The following LRRC4C variants were observed in gnomAD, a reference collection of about 807,000 sequenced individuals.
LRRC4C encodes the protein leucine rich repeat containing 4C, also known as leucine-rich repeat-containing protein 4C.
A neutral mutation model predicts 33.6 loss-of-function variants in LRRC4C; 5 were observed. The observed-to-expected ratio is 0.15, with a 90% CI of 0.08 to 0.31. LRRC4C has a LOEUF of 0.31. Among genes scored for constraint, LRRC4C ranks in the 10% least tolerant of loss-of-function variants. The pLI, the probability that LRRC4C is intolerant of heterozygous loss-of-function variation, is 1.00. For missense variants in LRRC4C, 560 were observed against 796.7 expected (o/e 0.70, Z 3.58); for synonymous variants, 329 against 302.0 (o/e 1.09, Z -0.93).
At chr11:41,008,652 T>A (rs1854943804) in intron 1 of LRRC4C, among the ~76,000 whole-genome samples, 1 of 152,154 alleles carries the variant, frequency 6.6e-6, no homozygotes, top group Non-Finnish European at 1.5e-5. Context: ...TATGCTATTA[T>A]CATCCTTTCC....
rs766845203 is a variant in LRRC4C, at chr11:41,433,708, C to T, written c.-496+25723G>A. On this transcript the variant is annotated intron_variant, in intron 1 of 6. Coordinates refer to ENST00000528697, the MANE Select transcript of LRRC4C (RefSeq NM_001258419.2). ...GGACTCGTTCTTCAGCTTTGGGACT[C>T]GGACTGGCTTCCTTGCTCCTCAGCT... 7.2e-5 allele frequency among the ~76,000 whole-genome samples: 11 copies of T among 152,166 alleles called. No individual in the cohort carries two copies. In the South Asian group the frequency reaches 1.2e-3, roughly 17 times the overall value.
At chr11:40,461,612 A>G (rs768782683) in intron 3 of LRRC4C, among the ~76,000 whole-genome samples, 4 of 151,082 alleles carry the variant, frequency 2.6e-5, no homozygotes, top group Non-Finnish European at 4.4e-5. Flanking sequence ...AACTTAAACC[A>G]CATATCTCAG....
At chr11:40,369,912 T>C (rs75829901) in intron 3 of LRRC4C, among the ~76,000 whole-genome samples, 3,199 of 152,256 alleles carry the variant, frequency 0.021, 102 homozygotes, top group African/African-American at 0.073. Context: ...GAGATATAGA[T>C]AGCAAATAGA....
At chr11:41,293,445 G>A (rs558902358) in intron 1 of LRRC4C, among the ~76,000 whole-genome samples, 9 of 152,086 alleles carry the variant, frequency 5.9e-5, no homozygotes, top group South Asian at 4.1e-4. Flanking sequence ...ATTTTAGACT[G>A]TTGATGAGAG....
chr11:40,741,379 G>A (rs1948150902), intron 2 of LRRC4C, among the ~76,000 whole-genome samples: 1 of 152,000 alleles, frequency 6.6e-6, no homozygotes, highest in African/African-American at 2.4e-5. Context: ...ATCAAGACTT[G>A]AAGTCTTCAA....
At chr11:40,836,193 A>G (rs1565116596) in intron 2 of LRRC4C, among the ~76,000 whole-genome samples, 1 of 152,114 alleles carries the variant, frequency 6.6e-6, no homozygotes, top group Admixed American at 6.5e-5. Context: ...AACCTCACCA[A>G]TCTTCTCTTA....
chr11:41,196,332 TC>T (rs1946177836), intron 1 of LRRC4C, among the ~76,000 whole-genome samples: 1 of 152,044 alleles, frequency 6.6e-6, no homozygotes, highest in African/African-American at 2.4e-5. Context: ...CTAGACTAGC[TC>T]CTTCATTTTC....
intron 4 of LRRC4C, among the ~76,000 whole-genome samples, chr11:40,296,522 T>C (rs1651409322): frequency 1.3e-5 from 2 of 152,128 alleles, no homozygotes; most frequent in South Asian, 4.1e-4. Context: ...AAGGTTTTGG[T>C]AACATGGGGA....
At chr11:40,227,649 T>C (rs1197826482) in intron 5 of LRRC4C, among the ~76,000 whole-genome samples, 2 of 152,122 alleles carry the variant, frequency 1.3e-5, no homozygotes, top group Non-Finnish European at 2.9e-5. Context: ...TGCATTCAAT[T>C]ATTCCTTGTT....
At chr11:40,692,768 C>A (rs75146887) in intron 2 of LRRC4C, among the ~76,000 whole-genome samples, 6,979 of 152,018 alleles carry the variant, frequency 0.046, 509 homozygotes, top group African/African-American at 0.16. Flanking sequence ...ATTAATGAGA[C>A]AAAATGGGCT....
intron 3 of LRRC4C, among the ~76,000 whole-genome samples, chr11:40,357,521 C>G (rs2137135079): frequency 6.6e-6 from 1 of 152,312 alleles, no homozygotes; most frequent in Middle Eastern, 3.4e-3. Flanking sequence ...GGAAACAGAA[C>G]ACATTTAATG....
chr11:40,623,338 G>A (rs1453367972), intron 3 of LRRC4C, among the ~76,000 whole-genome samples: 1 of 151,922 alleles, frequency 6.6e-6, no homozygotes, highest in African/African-American at 2.4e-5. Context: ...AAATATTGAG[G>A]TATATAATTA....
At chr11:40,320,233 C>T (rs1019956251) in intron 3 of LRRC4C, among the ~76,000 whole-genome samples, 6 of 152,082 alleles carry the variant, frequency 3.9e-5, no homozygotes, top group Non-Finnish European at 7.4e-5. Context: ...TGGCCGGGCG[C>T]GGTGGCTCAC....
intron 1 of LRRC4C, among the ~76,000 whole-genome samples, chr11:41,191,717 A>G (rs1008715357): frequency 2.6e-5 from 4 of 152,178 alleles, no homozygotes; most frequent in Non-Finnish European, 4.4e-5. Flanking sequence ...AATCCTGGGC[A>G]TCTCCCACCC....
At chr11:40,172,607 T>C (rs1043231891) in intron 5 of LRRC4C, among the ~76,000 whole-genome samples, 1 of 152,110 alleles carries the variant, frequency 6.6e-6, no homozygotes, top group African/African-American at 2.4e-5. Flanking sequence ...TGTCTGTCAT[T>C]GTTCCTTCTG....
intron 5 of LRRC4C, 102 bp downstream of exon 5, chr11:40,241,417 G>A (rs1392929465): frequency 6.6e-6 from 1 of 151,958 alleles, no homozygotes; most frequent in Non-Finnish European, 1.5e-5. Context: ...AATAACAGAA[G>A]TAGAGTATTA....
chr11:40,359,223 C>T (rs1947832699), intron 3 of LRRC4C, among the ~76,000 whole-genome samples: 1 of 152,170 alleles, frequency 6.6e-6, no homozygotes, highest in Non-Finnish European at 1.5e-5. Flanking sequence ...AGTATGTGGC[C>T]TTCATTAGAA....
intron 2 of LRRC4C, among the ~76,000 whole-genome samples, chr11:40,895,250 T>C (rs767714797): frequency 2.6e-5 from 4 of 152,138 alleles, no homozygotes; most frequent in Non-Finnish European, 5.9e-5. Context: ...CCTGGTCAAA[T>C]TTGATTTCTA....
chr11:40,972,543 A>C (rs1367819326), intron 1 of LRRC4C, among the ~76,000 whole-genome samples: 3 of 152,168 alleles, frequency 2.0e-5, no homozygotes, highest in Non-Finnish European at 4.4e-5. Context: ...ACTGTCCCAG[A>C]CAGGGTAGTT....
Sources: gnomAD v4.1 joint callset for allele counts (sites outside exome capture counted in the v4.1 genomes callset) on GRCh38, gnomAD v4.1.1 for gene constraint, MANE v1.5 for transcripts, NCBI Gene and HGNC (gene_info 2026-07-23, HGNC 2026-07-21) for gene names.